HDAC9: variants seen among roughly 807,000 people sequenced by gnomAD.
The protein encoded by HDAC9 is histone deacetylase 9, also known as MEF-2 interacting transcription repressor (MITR) protein.
HDAC9 carries 41 observed loss-of-function variants against 139.4 expected under a neutral mutation model. That is an observed-to-expected ratio of 0.29 (90% CI 0.23 to 0.38). The LOEUF (loss-of-function observed/expected upper bound fraction) is 0.38. Ranked by LOEUF, HDAC9 falls within the 10% of genes least tolerant of loss-of-function variation. The pLI is 1.00. For synonymous variants in HDAC9, 517 were observed against 476.2 expected, an observed-to-expected ratio of 1.09 and a Z score of -1.12; for missense variants, 1,147 against 1,297.0, an observed-to-expected ratio of 0.88 and a Z score of 1.78.
chr7:18,343,019 C>T (rs1345972333), intron 1 of HDAC9, among the ~76,000 whole-genome samples: 3 of 151,508 alleles, frequency 2.0e-5, no homozygotes, highest in African/African-American at 7.3e-5. Flanking sequence ...AGTGAAATTC[C>T]CTATCCGGAG....
chr7:18,450,843 A>G (rs1372114424), intron 1 of HDAC9, among the ~76,000 whole-genome samples: 1 of 152,218 alleles, frequency 6.6e-6, no homozygotes, highest in African/African-American at 2.4e-5. Flanking sequence ...TTGTTTAGAT[A>G]TCTCATACAT....
chr7:18,826,252 G>A (rs1485386496), intron 17 of HDAC9, among the ~76,000 whole-genome samples: 1 of 152,114 alleles, frequency 6.6e-6, no homozygotes, highest in Non-Finnish European at 1.5e-5. Flanking sequence ...TGCTCTCAAA[G>A]CAGCAGTGAA....
At chr7:18,654,209 A>G (rs971095472) in intron 11 of HDAC9, among the ~76,000 whole-genome samples, 1 of 152,164 alleles carries the variant, frequency 6.6e-6, no homozygotes, top group Non-Finnish European at 1.5e-5. Flanking sequence ...ATGTAATTCT[A>G]TCCATGGCTT....
At chr7:18,187,590 T>C (rs909598919) in intron 2 of HDAC9, among the ~76,000 whole-genome samples, 7 of 152,198 alleles carry the variant, frequency 4.6e-5, no homozygotes, top group Non-Finnish European at 1.0e-4. Context: ...TGACAAACCT[T>C]GTCTTCCATT....
chr7:18,162,814 C>G (rs1787732941), intron 2 of HDAC9, among the ~76,000 whole-genome samples: 1 of 152,132 alleles, frequency 6.6e-6, no homozygotes, highest in African/African-American at 2.4e-5. Flanking sequence ...GCTGCCATTC[C>G]TGTTTCCTAT....
intron 17 of HDAC9, among the ~76,000 whole-genome samples, chr7:18,818,092 G>A (rs1365505046): frequency 6.6e-6 from 1 of 152,200 alleles, no homozygotes; most frequent in Non-Finnish European, 1.5e-5. Context: ...TGTATTGGAA[G>A]TAGTAATTCA....
chr7:18,686,982 T>C (rs936528031), intron 12 of HDAC9, among the ~76,000 whole-genome samples: 2 of 151,852 alleles, frequency 1.3e-5, no homozygotes, highest in African/African-American at 4.8e-5. Flanking sequence ...AAATTATACA[T>C]ATATAAAATT....
intron 22 of HDAC9, among the ~76,000 whole-genome samples, chr7:18,932,848 A>AAAAGAAAAGAAAGAAAGAAAG (rs1554405268): frequency 7.2e-6 from 1 of 138,204 alleles, no homozygotes; most frequent in Non-Finnish European, 1.5e-5. Flanking sequence ...AGGAAGGAAA[A>AAAAGAAAAGAAAGAAAGAAAG]AAAGAAAGAA....
At chr7:18,136,922 C>T (rs1164638026) in intron 1 of HDAC9, among the ~76,000 whole-genome samples, 2 of 151,548 alleles carry the variant, frequency 1.3e-5, no homozygotes, top group African/African-American at 4.9e-5. Flanking sequence ...GATATTGATT[C>T]TTCCTATCCA....
intron 12 of HDAC9, among the ~76,000 whole-genome samples, chr7:18,706,160 CTTTTTTTTTTT>C (rs1165670432): frequency 2.3e-5 from 2 of 86,750 alleles, no homozygotes; most frequent in Admixed American, 1.6e-4. Flanking sequence ...GAAAGTTTTC[CTTTTTTTTTTT>C]TTTTTTTTTT....
intron 1 of HDAC9, among the ~76,000 whole-genome samples, chr7:18,373,955 G>A (rs1784782942): frequency 6.6e-6 from 1 of 151,854 alleles, no homozygotes; most frequent in African/African-American, 2.4e-5. Context: ...TAAAAATAAT[G>A]GGGGAGATAT....
chr7:18,253,344 G>A (rs1377738088), intron 2 of HDAC9, among the ~76,000 whole-genome samples: 1 of 74,726 alleles, frequency 1.3e-5, no homozygotes, highest in African/African-American at 5.8e-5. Flanking sequence ...TTTCCAGAGT[G>A]GTCAAACTAA....
chr7:18,451,042 A>G (rs1296577643), intron 1 of HDAC9, among the ~76,000 whole-genome samples: 1 of 152,264 alleles, frequency 6.6e-6, no homozygotes, highest in East Asian at 1.9e-4. Context: ...GTTGGAACCT[A>G]GTCACCATTG....
intron 2 of HDAC9, among the ~76,000 whole-genome samples, chr7:18,230,504 G>A (rs549322336): frequency 3.3e-5 from 5 of 152,148 alleles, no homozygotes; most frequent in South Asian, 2.1e-4. Context: ...TTTGTTCTCA[G>A]CACCAGAATA....
intron 2 of HDAC9, among the ~76,000 whole-genome samples, chr7:18,571,305 T>A (rs1824204118): frequency 6.6e-6 from 1 of 152,254 alleles, no homozygotes; most frequent in Non-Finnish European, 1.5e-5. Context: ...GTAATTTGCC[T>A]GTGATTTGAA....
At chr7:18,423,738 A>C (rs1789855153) in intron 1 of HDAC9, among the ~76,000 whole-genome samples, 1 of 152,142 alleles carries the variant, frequency 6.6e-6, no homozygotes, top group Non-Finnish European at 1.5e-5. Flanking sequence ...ATCCCAAGAG[A>C]GCAAAAGTAG....
At chr7:18,583,819 T>G (rs1021120790) in intron 2 of HDAC9, among the ~76,000 whole-genome samples, 2 of 152,194 alleles carry the variant, frequency 1.3e-5, no homozygotes, top group African/African-American at 4.8e-5. Flanking sequence ...GATCTGTATT[T>G]TCTTTTTCTC....
intron 22 of HDAC9, among the ~76,000 whole-genome samples, chr7:18,933,084 C>T (rs1480049133): frequency 2.0e-5 from 3 of 152,100 alleles, no homozygotes; most frequent in Admixed American, 2.0e-4. Context: ...TGACAGATAC[C>T]ATATTCAACC....
At chr7:18,259,118 C>T (rs997618570) in intron 2 of HDAC9, among the ~76,000 whole-genome samples, 5 of 151,768 alleles carry the variant, frequency 3.3e-5, no homozygotes, top group South Asian at 4.2e-4. Flanking sequence ...TACAGACATG[C>T]GCCACCATGC....
Sources: gnomAD v4.1 joint callset for allele counts (sites outside exome capture counted in the v4.1 genomes callset) on GRCh38, gnomAD v4.1.1 for gene constraint, MANE v1.5 for transcripts, NCBI Gene and HGNC (gene_info 2026-07-23, HGNC 2026-07-21) for gene names.